RELN: variants seen among roughly 807,000 people sequenced by gnomAD.
RELN encodes reelin.
RELN carries 108 observed loss-of-function variants against 427.6 expected under a neutral mutation model. The observed-to-expected ratio is 0.25, with a 90% CI of 0.22 to 0.30. The LOEUF is 0.30. Among genes scored for constraint, RELN ranks in the 10% least tolerant of loss-of-function variants. The probability of loss-of-function intolerance (pLI) is 1.00; values close to 1 mark genes in which losing one functional copy is unlikely to be tolerated. For missense variants in RELN, 3,715 were observed against 4,302.8 expected, an observed-to-expected ratio of 0.86 and a Z score of 3.82; for synonymous variants, 1,524 against 1,513.4, an observed-to-expected ratio of 1.01 and a Z score of -0.16.
At chr7:103,546,211 A>T (rs1433183247) in intron 41 of RELN, among the ~76,000 whole-genome samples, 1 of 152,194 alleles carries the variant, frequency 6.6e-6, no homozygotes, top group Non-Finnish European at 1.5e-5. Flanking sequence ...GGACTGACGT[A>T]TTCTGGATAT....
intron 3 of RELN, among the ~76,000 whole-genome samples, chr7:103,811,029 T>C (rs1353815672): frequency 6.6e-6 from 1 of 152,196 alleles, no homozygotes; most frequent in Admixed American, 6.5e-5. Context: ...AGGTTTAAAA[T>C]AAAAACTATT....
chr7:103,696,356 C>T (rs917976464), intron 10 of RELN, among the ~76,000 whole-genome samples: 1 of 152,154 alleles, frequency 6.6e-6, no homozygotes, highest in African/African-American at 2.4e-5. Context: ...AATCCCCACT[C>T]ATAAGGCTAA....
chr7:103,878,994 C>T (rs1794547011), intron 2 of RELN, among the ~76,000 whole-genome samples: 1 of 152,102 alleles, frequency 6.6e-6, no homozygotes, highest in African/African-American at 2.4e-5. Context: ...CAGGCTGAGA[C>T]CCTAATGCTT....
At chr7:103,787,553 C>A (rs1487992444) in intron 3 of RELN, among the ~76,000 whole-genome samples, 1 of 152,168 alleles carries the variant, frequency 6.6e-6, no homozygotes, top group Non-Finnish European at 1.5e-5. Flanking sequence ...ATATGATTAA[C>A]ACCTCTACAC....
intron 1 of RELN, among the ~76,000 whole-genome samples, chr7:103,929,197 T>G (rs1795808344): frequency 6.6e-6 from 1 of 152,142 alleles, no homozygotes; most frequent in South Asian, 2.1e-4. Flanking sequence ...ATCTGATCCA[T>G]GAAACTGAGA....
chr7:103,757,951 G>A (rs972370348), intron 4 of RELN, among the ~76,000 whole-genome samples: 1 of 152,170 alleles, frequency 6.6e-6, no homozygotes, highest in East Asian at 1.9e-4. Context: ...TCAAGTGTTT[G>A]TATAAATCAA....
chr7:103,943,980 T>C (rs941689523), intron 1 of RELN, among the ~76,000 whole-genome samples: 2 of 152,054 alleles, frequency 1.3e-5, no homozygotes, highest in Admixed American at 1.3e-4. Flanking sequence ...ACTGGTTTAA[T>C]GCTTCAGCAC....
chr7:103,894,697 G>A (rs1243036015), intron 2 of RELN, among the ~76,000 whole-genome samples: 1 of 152,174 alleles, frequency 6.6e-6, no homozygotes, highest in Non-Finnish European at 1.5e-5. Context: ...GCAGAAAAAT[G>A]CAGAGGCAGC....
intron 2 of RELN, among the ~76,000 whole-genome samples, chr7:103,888,531 T>C (rs1794774945): frequency 6.6e-6 from 1 of 152,220 alleles, no homozygotes; most frequent in African/African-American, 2.4e-5. Context: ...TAATCCCATC[T>C]GATCATTTAA....
intron 38 of RELN, among the ~76,000 whole-genome samples, chr7:103,555,359 A>G (rs1830499577): frequency 6.6e-6 from 1 of 152,246 alleles, no homozygotes. Flanking sequence ...GATGCTTTGA[A>G]TGAAATCACA....
chr7:103,750,290 T>A (rs1790965411), intron 5 of RELN, among the ~76,000 whole-genome samples: 1 of 152,142 alleles, frequency 6.6e-6, no homozygotes, highest in African/African-American at 2.4e-5. Flanking sequence ...GATTTGATGG[T>A]TTTATAAGGG....
chr7:103,677,194 T>G (rs1035411370), intron 11 of RELN, among the ~76,000 whole-genome samples: 1 of 147,488 alleles, frequency 6.8e-6, no homozygotes, highest in African/African-American at 2.5e-5. Flanking sequence ...TTCTCACTTA[T>G]AAGTGGGAGT....
At chr7:103,966,567 T>C (rs1488296386) in intron 1 of RELN, among the ~76,000 whole-genome samples, 2 of 152,208 alleles carry the variant, frequency 1.3e-5, no homozygotes, top group African/African-American at 4.8e-5. Flanking sequence ...ATGGAATGTT[T>C]TGCATATAAT....
chr7:103,613,805 T>G (rs1375628842), intron 20 of RELN, among the ~76,000 whole-genome samples: 1 of 152,222 alleles, frequency 6.6e-6, no homozygotes, highest in African/African-American at 2.4e-5. Flanking sequence ...CAACAATGCT[T>G]TCTCACTCAC....
chr7:103,711,571 A>T (rs1339708336), intron 8 of RELN, among the ~76,000 whole-genome samples: 1 of 152,352 alleles, frequency 6.6e-6, no homozygotes, highest in East Asian at 1.9e-4. Context: ...GGTTTGACTC[A>T]ATTAAAATAT....
At chr7:103,966,243 G>A (rs2116804748) in intron 1 of RELN, among the ~76,000 whole-genome samples, 1 of 91,570 alleles carries the variant, frequency 1.1e-5, no homozygotes, top group East Asian at 2.8e-4. Context: ...CTGGCTCGCA[G>A]GTGGCCAGAG....
intron 28 of RELN, among the ~76,000 whole-genome samples, chr7:103,586,628 A>G (rs963061080): frequency 1.3e-5 from 2 of 152,196 alleles, no homozygotes; most frequent in Non-Finnish European, 2.9e-5. Context: ...TCTTATACCT[A>G]GAAAACCCTA....
At chr7:103,705,655 C>T (rs370447475) in intron 8 of RELN, among the ~76,000 whole-genome samples, 1 of 152,134 alleles carries the variant, frequency 6.6e-6, no homozygotes, top group African/African-American at 2.4e-5. Context: ...AGAGGTATTA[C>T]GTGTAGGGTT....
intron 10 of RELN, among the ~76,000 whole-genome samples, chr7:103,697,493 A>G (rs778957273): frequency 2.0e-5 from 3 of 152,112 alleles, no homozygotes; most frequent in African/African-American, 4.8e-5. Context: ...CCAGCAAATC[A>G]TAACCATCAG....
Sources: gnomAD v4.1 joint callset for allele counts (sites outside exome capture counted in the v4.1 genomes callset) on GRCh38, gnomAD v4.1.1 for gene constraint, MANE v1.5 for transcripts, NCBI Gene and HGNC (gene_info 2026-07-23, HGNC 2026-07-21) for gene names.